Variants in BRINP1 observed in about 807,000 individuals in gnomAD.
BRINP1 encodes the protein BMP/retinoic acid inducible neural specific 1.
Under a neutral mutation model 72.9 loss-of-function variants are expected in BRINP1, and 17 were observed. That is an observed-to-expected ratio of 0.23 (90% CI 0.16 to 0.35). The LOEUF (loss-of-function observed/expected upper bound fraction) is 0.35. BRINP1 is among the 10% of genes least tolerant of loss of function. The pLI is 1.00. For synonymous variants in BRINP1, 418 were observed against 378.5 expected (o/e 1.10, Z -1.21); for missense variants, 850 against 1,001.6 (o/e 0.85, Z 2.04).
intron 1 of BRINP1, among the ~76,000 whole-genome samples, chr9:119,325,445 T>C (rs978637952): frequency 4.6e-5 from 7 of 152,214 alleles, no homozygotes; most frequent in African/African-American, 1.7e-4. Context: ...CATTTCCACA[T>C]CCTGTCAATT....
At chr9:119,331,023 T>A (rs1377408045) in intron 1 of BRINP1, among the ~76,000 whole-genome samples, 1 of 152,070 alleles carries the variant, frequency 6.6e-6, no homozygotes, top group Non-Finnish European at 1.5e-5. Context: ...TGAGAATCCA[T>A]CTCAAAAAAA....
chr9:119,319,643 T>C (rs1831164264), intron 1 of BRINP1, among the ~76,000 whole-genome samples: 1 of 152,244 alleles, frequency 6.6e-6, no homozygotes, highest in Admixed American at 6.5e-5. Context: ...AAATGGTTTA[T>C]TTTCTTGGTA....
At chr9:119,170,513 C>T (rs920234034) in intron 7 of BRINP1, among the ~76,000 whole-genome samples, 7 of 152,010 alleles carry the variant, frequency 4.6e-5, no homozygotes, top group African/African-American at 1.5e-4. Context: ...GATTGGTGTA[C>T]CTGAAAGTGA....
At chr9:119,269,310 C>A (rs1830584321) in intron 2 of BRINP1, among the ~76,000 whole-genome samples, 1 of 152,214 alleles carries the variant, frequency 6.6e-6, no homozygotes, top group Non-Finnish European at 1.5e-5. Context: ...AGTGCAGGAA[C>A]TTGCAATTTC....
chr9:119,352,203 C>T (rs989579729), intron 1 of BRINP1, among the ~76,000 whole-genome samples: 2 of 152,210 alleles, frequency 1.3e-5, no homozygotes, highest in African/African-American at 4.8e-5. Context: ...CTCCATCTGT[C>T]TTTACTATCA....
intron 5 of BRINP1, among the ~76,000 whole-genome samples, chr9:119,228,193 T>C (rs1233419012): frequency 6.6e-6 from 1 of 151,894 alleles, no homozygotes; most frequent in Non-Finnish European, 1.5e-5. Flanking sequence ...CTTTCTTTCC[T>C]TTCCCCTTCC....
At chr9:119,314,194 G>A (rs568819644) in intron 1 of BRINP1, among the ~76,000 whole-genome samples, 1 of 152,316 alleles carries the variant, frequency 6.6e-6, no homozygotes, top group East Asian at 1.9e-4. Flanking sequence ...CGGTCATTTT[G>A]TCAGGGGGTC....
At chr9:119,282,873 G>A in intron 2 of BRINP1, 1 of 985,360 alleles carries the variant, frequency 1.0e-6, no homozygotes, top group South Asian at 4.7e-5. Context: ...TCTTACGGTT[G>A]CGCTTTTCCC....
intron 7 of BRINP1, among the ~76,000 whole-genome samples, chr9:119,203,908 C>T (rs1422628745): frequency 6.6e-6 from 1 of 152,166 alleles, no homozygotes; most frequent in Admixed American, 6.5e-5. Flanking sequence ...ATGAACTGCA[C>T]CTCCCAATAC....
At chr9:119,248,777 A>G (rs887709497) in intron 3 of BRINP1, among the ~76,000 whole-genome samples, 183 bp downstream of exon 3, 9 of 152,190 alleles carry the variant, frequency 5.9e-5, no homozygotes, top group Non-Finnish European at 1.3e-4. Context: ...ATAGAACTGA[A>G]TCACCTCCTC....
Position 119,222,698 on chromosome 9 carries a change from T to C in BRINP1, c.686-8543A>G, listed in dbSNP as rs1037020795. Among the ~76,000 whole-genome samples, 9 of 151,966 alleles carry C rather than the reference T, an allele frequency of 5.9e-5. No individual in the cohort carries two copies. In the East Asian group the frequency reaches 1.4e-3, roughly 23 times the overall value. ...TGAGGGAGATAAGACAACAAATAAA[T>C]AAATAAAAATAGAAAGGATTTATAC... is the stretch of plus-strand genomic sequence containing the variant. On this transcript the variant is annotated intron_variant, in intron 5 of 7. Coordinates refer to ENST00000265922, the MANE Select transcript of BRINP1 (RefSeq NM_014618.3).
At chr9:119,175,453 T>C (rs552557291) in intron 7 of BRINP1, among the ~76,000 whole-genome samples, 39 of 152,100 alleles carry the variant, frequency 2.6e-4, no homozygotes, top group Non-Finnish European at 4.6e-4. Flanking sequence ...CAAACCACCA[T>C]AGCACATGTA....
intron 7 of BRINP1, among the ~76,000 whole-genome samples, chr9:119,190,681 GC>G (rs1320552052): frequency 6.6e-6 from 1 of 151,920 alleles, no homozygotes; most frequent in Non-Finnish European, 1.5e-5. Context: ...CTAAGGAAAA[GC>G]CCAGGACCAG....
chr9:119,328,344 T>A, intron 1 of BRINP1, among the ~76,000 whole-genome samples: 1 of 152,064 alleles, frequency 6.6e-6, no homozygotes, highest in Admixed American at 6.5e-5. Flanking sequence ...GGGATGTGAG[T>A]CAATGGAGAC....
chr9:119,241,662 T>C (rs1830250254), intron 4 of BRINP1, among the ~76,000 whole-genome samples: 1 of 152,224 alleles, frequency 6.6e-6, no homozygotes, highest in African/African-American at 2.4e-5. Flanking sequence ...AAAATATTAC[T>C]GAGCTAGGCA....
chr9:119,231,489 C>T (rs1328178108), intron 5 of BRINP1, among the ~76,000 whole-genome samples: 1 of 152,084 alleles, frequency 6.6e-6, no homozygotes, highest in Admixed American at 6.6e-5. Flanking sequence ...CACTTTACTC[C>T]TGATCACCTT....
At chr9:119,363,201 C>G (rs568163045) in intron 1 of BRINP1, among the ~76,000 whole-genome samples, 1 of 152,286 alleles carries the variant, frequency 6.6e-6, no homozygotes, top group Non-Finnish European at 1.5e-5. Context: ...CTCTCAGGTT[C>G]AAGTGATTCT....
At chr9:119,190,318 A>G (rs188947129) in intron 7 of BRINP1, among the ~76,000 whole-genome samples, 2 of 151,900 alleles carry the variant, frequency 1.3e-5, no homozygotes. Flanking sequence ...AAATAAATCA[A>G]ATACAGAACA....
chr9:119,193,678 C>T (rs572819022), intron 7 of BRINP1, among the ~76,000 whole-genome samples: 21 of 152,254 alleles, frequency 1.4e-4, no homozygotes, highest in African/African-American at 4.8e-4. Flanking sequence ...ACACACAATA[C>T]AATTTGTTTT....
Sources: gnomAD v4.1 joint callset for allele counts (sites outside exome capture counted in the v4.1 genomes callset) on GRCh38, gnomAD v4.1.1 for gene constraint, MANE v1.5 for transcripts, NCBI Gene and HGNC (gene_info 2026-07-23, HGNC 2026-07-21) for gene names.